GALNT13: variants seen among roughly 807,000 people sequenced by gnomAD.
GALNT13 encodes polypeptide N-acetylgalactosaminyltransferase 13.
Under a neutral mutation model 64.2 loss-of-function variants are expected in GALNT13, and 28 were observed. The observed-to-expected ratio is 0.44, with a 90% CI of 0.32 to 0.60. The LOEUF (loss-of-function observed/expected upper bound fraction) is 0.60. Ranked by LOEUF, GALNT13 falls within the 20% of genes least tolerant of loss-of-function variation. The pLI is 0.05. For synonymous variants in GALNT13, 214 were observed against 224.6 expected, an observed-to-expected ratio of 0.95 and a Z score of 0.42; for missense variants, 577 against 669.8, an observed-to-expected ratio of 0.86 and a Z score of 1.53.
the GALNT13 span, among the ~76,000 whole-genome samples, chr2:153,468,182 A>G: frequency 6.6e-6 from 1 of 152,016 alleles, no homozygotes; most frequent in Non-Finnish European, 1.5e-5. Context: ...TCATAAATTG[A>G]AAATATTCTT....
At chr2:153,874,102 TG>T (rs1352038145) in intron 1 of GALNT13, among the ~76,000 whole-genome samples, 2 of 86,912 alleles carry the variant, frequency 2.3e-5, no homozygotes, top group East Asian at 2.5e-4. Context: ...CCGCAATCTC[TG>T]TTTTTTTTTT....
intron 4 of GALNT13, among the ~76,000 whole-genome samples, chr2:154,168,907 TCCATACACG>T (rs2105693627): frequency 6.6e-6 from 1 of 152,096 alleles, no homozygotes; most frequent in Non-Finnish European, 1.5e-5. Context: ...TAGTTTCTAG[TCCATACACG>T]AAGCATGGTG....
the GALNT13 span, among the ~76,000 whole-genome samples, chr2:153,402,529 A>G: frequency 6.6e-6 from 1 of 152,058 alleles, no homozygotes; most frequent in Admixed American, 6.5e-5. Context: ...GTGTTTTCCA[A>G]CTTGGTTCCA....
chr2:153,169,241 C>A, the GALNT13 span, among the ~76,000 whole-genome samples: 2 of 152,180 alleles, frequency 1.3e-5, no homozygotes, highest in African/African-American at 4.8e-5. Context: ...GGACAGAATT[C>A]GTAATTAATT....
At chr2:153,630,799 A>G in the GALNT13 span, among the ~76,000 whole-genome samples, 1 of 16,166 alleles carries the variant, frequency 6.2e-5, no homozygotes, top group Non-Finnish European at 1.1e-4. Context: ...ATATATATAT[A>G]TATATATATT....
At chr2:154,115,194 G>T (rs892301026) in intron 3 of GALNT13, among the ~76,000 whole-genome samples, 2 of 152,074 alleles carry the variant, frequency 1.3e-5, no homozygotes, top group African/African-American at 4.8e-5. Flanking sequence ...TAAACCAAGG[G>T]AGATCAGACA....
At chr2:153,090,606 T>A in the GALNT13 span, among the ~76,000 whole-genome samples, 11 of 152,162 alleles carry the variant, frequency 7.2e-5, no homozygotes, top group African/African-American at 2.6e-4. Flanking sequence ...TTCAAGAGAG[T>A]ACGAACTGCT....
the GALNT13 span, among the ~76,000 whole-genome samples, chr2:153,136,162 G>A: frequency 1.3e-5 from 2 of 152,036 alleles, no homozygotes; most frequent in African/African-American, 4.8e-5. Flanking sequence ...CTGACTATGT[G>A]CCAACAACAA....
chr2:153,827,983 A>G, the GALNT13 span, among the ~76,000 whole-genome samples: 4 of 152,248 alleles, frequency 2.6e-5, no homozygotes, highest in South Asian at 8.3e-4. Flanking sequence ...CCAACAGGGC[A>G]GTCAAATCTT....
the GALNT13 span, among the ~76,000 whole-genome samples, chr2:153,787,300 C>T: frequency 4.6e-5 from 7 of 152,138 alleles, no homozygotes; most frequent in African/African-American, 1.7e-4. Flanking sequence ...TTAAGTGCCA[C>T]CTACTGGATC....
chr2:153,950,214 T>C (rs926665514), intron 3 of GALNT13, among the ~76,000 whole-genome samples: 10 of 151,896 alleles, frequency 6.6e-5, no homozygotes, highest in Admixed American at 2.0e-4. Context: ...TATAAGTAAC[T>C]TGATTGTTAT....
chr2:153,206,526 G>C, the GALNT13 span, among the ~76,000 whole-genome samples: 1 of 151,970 alleles, frequency 6.6e-6, no homozygotes, highest in Non-Finnish European at 1.5e-5. Context: ...TGCTGGAGTA[G>C]GGCTGAGAAG....
the GALNT13 span, among the ~76,000 whole-genome samples, chr2:153,354,877 T>C: frequency 3.9e-5 from 6 of 152,224 alleles, no homozygotes; most frequent in African/African-American, 1.4e-4. Flanking sequence ...CCTAACGCAT[T>C]GATGCATCCT....
At chr2:153,695,962 C>A in the GALNT13 span, among the ~76,000 whole-genome samples, 6 of 152,068 alleles carry the variant, frequency 3.9e-5, no homozygotes, top group Non-Finnish European at 1.5e-5. Flanking sequence ...AATCCTCTAC[C>A]TACTCTATTA....
the GALNT13 span, among the ~76,000 whole-genome samples, chr2:153,464,374 A>C: frequency 6.6e-6 from 1 of 152,070 alleles, no homozygotes; most frequent in African/African-American, 2.4e-5. Context: ...CTCTGATCAG[A>C]GTTTAAGACC....
intron 3 of GALNT13, among the ~76,000 whole-genome samples, chr2:154,022,771 C>A (rs1697617323): frequency 6.6e-6 from 1 of 152,084 alleles, no homozygotes; most frequent in Admixed American, 6.6e-5. Context: ...TTTTCTAGTT[C>A]TTTTAATTGT....
intron 3 of GALNT13, among the ~76,000 whole-genome samples, chr2:154,138,510 T>C (rs1362094752): frequency 6.6e-6 from 1 of 151,748 alleles, no homozygotes; most frequent in Non-Finnish European, 1.5e-5. Flanking sequence ...AATCAGAATA[T>C]TTTTTATACC....
At chr2:153,729,392 T>C in the GALNT13 span, among the ~76,000 whole-genome samples, 1 of 152,168 alleles carries the variant, frequency 6.6e-6, no homozygotes, top group African/African-American at 2.4e-5. Context: ...AGGCTTTTAA[T>C]TTTAATATAG....
At chr2:153,687,793 T>C in the GALNT13 span, among the ~76,000 whole-genome samples, 3 of 151,916 alleles carry the variant, frequency 2.0e-5, no homozygotes, top group Non-Finnish European at 4.4e-5. Context: ...AGCTCCCAAA[T>C]GTAAGTACCT....
Sources: gnomAD v4.1 joint callset for allele counts (sites outside exome capture counted in the v4.1 genomes callset) on GRCh38, gnomAD v4.1.1 for gene constraint, MANE v1.5 for transcripts, NCBI Gene and HGNC (gene_info 2026-07-23, HGNC 2026-07-21) for gene names.